Variants in DCDC2 observed in about 807,000 individuals in gnomAD.
DCDC2 encodes the protein doublecortin domain containing 2.
In DCDC2, 40 loss-of-function variants were observed where a neutral mutation model predicts 50.2. The ratio of observed to expected loss-of-function variants is 0.80; its 90% CI spans 0.62 to 1.04. The LOEUF is 1.04. Ranked by LOEUF, DCDC2 falls within the 50% of genes least tolerant of loss-of-function variation. The pLI, the probability that DCDC2 is intolerant of heterozygous loss-of-function variation, is 0.00. For synonymous variants in DCDC2, 234 were observed against 210.6 expected, an observed-to-expected ratio of 1.11 and a Z score of -0.96; for missense variants, 570 against 581.9, an observed-to-expected ratio of 0.98 and a Z score of 0.21.
chr6:24,196,303 C>A (rs777647012), intron 8 of DCDC2, among the ~76,000 whole-genome samples: 10 of 151,916 alleles, frequency 6.6e-5, no homozygotes, highest in Non-Finnish European at 1.5e-4. Flanking sequence ...AGTCCCATTT[C>A]CTCTAATTAA....
At chr6:24,289,998 T>C in intron 5 of DCDC2, among the ~76,000 whole-genome samples, 1 of 86,666 alleles carries the variant, frequency 1.2e-5, no homozygotes, top group Non-Finnish European at 2.2e-5. Context: ...TTTTTTTTTT[T>C]TTTTTTTTTT....
At chr6:24,250,177 A>C (rs992898496) in intron 7 of DCDC2, among the ~76,000 whole-genome samples, 1 of 152,204 alleles carries the variant, frequency 6.6e-6, no homozygotes, top group Admixed American at 6.5e-5. Flanking sequence ...GAGTGGTAGA[A>C]GACAATTGGC....
intron 2 of DCDC2, among the ~76,000 whole-genome samples, chr6:24,347,535 A>T (rs1375964649): frequency 6.6e-6 from 1 of 152,266 alleles, no homozygotes; most frequent in Non-Finnish European, 1.5e-5. Context: ...TAGCATTTAC[A>T]TTGCACTGGG....
At chr6:24,237,965 G>A (rs773515985) in intron 7 of DCDC2, among the ~76,000 whole-genome samples, 6 of 150,424 alleles carry the variant, frequency 4.0e-5, no homozygotes, top group Non-Finnish European at 7.4e-5. Flanking sequence ...ACTACCTATT[G>A]GGTACTATAC....
chr6:24,372,696 C>G, the DCDC2 span, among the ~76,000 whole-genome samples: 4 of 151,800 alleles, frequency 2.6e-5, no homozygotes, highest in East Asian at 7.8e-4. Flanking sequence ...TGTTCTCACT[C>G]ATAGATGGGA....
At chr6:24,323,614 A>T (rs1759808937) in intron 2 of DCDC2, among the ~76,000 whole-genome samples, 1 of 152,196 alleles carries the variant, frequency 6.6e-6, no homozygotes, top group Admixed American at 6.5e-5. Context: ...ATAGACCTTA[A>T]TGCAAATAAA....
intron 7 of DCDC2, among the ~76,000 whole-genome samples, chr6:24,212,484 C>T (rs1271911838): frequency 2.6e-5 from 4 of 152,164 alleles, no homozygotes; most frequent in Non-Finnish European, 5.9e-5. Flanking sequence ...CAAAACACTA[C>T]CACCAACCCC....
At chr6:24,256,083 A>G (rs940911186) in intron 7 of DCDC2, among the ~76,000 whole-genome samples, 7 of 152,230 alleles carry the variant, frequency 4.6e-5, no homozygotes, top group African/African-American at 1.7e-4. Context: ...GTTATGGTCA[A>G]CAAAATAGAA....
upstream of DCDC2, among the ~76,000 whole-genome samples, chr6:24,358,974 T>A (rs868468869): frequency 7.7e-4 from 37 of 47,780 alleles, 1 homozygote; most frequent in African/African-American, 3.5e-3. Context: ...ATTATATATT[T>A]TATACATTAT....
At chr6:24,254,059 C>G (rs1442705169) in intron 7 of DCDC2, among the ~76,000 whole-genome samples, 4 of 151,952 alleles carry the variant, frequency 2.6e-5, no homozygotes, top group African/African-American at 9.7e-5. Context: ...ATTTTTAAAC[C>G]TTTTCGTTAA....
intron 7 of DCDC2, among the ~76,000 whole-genome samples, chr6:24,236,081 GAAAAA>G (rs1207433001): frequency 1.3e-5 from 2 of 149,326 alleles, no homozygotes; most frequent in African/African-American, 4.9e-5. Flanking sequence ...ATAGAATTAG[GAAAAA>G]AAAAATTCTA....
chr6:24,281,464 T>C (rs1455595992), intron 6 of DCDC2, among the ~76,000 whole-genome samples: 1 of 118,460 alleles, frequency 8.4e-6, no homozygotes, highest in Non-Finnish European at 1.6e-5. Flanking sequence ...CATGTGTCAC[T>C]GCACCCAGCT....
chr6:24,226,922 C>A (rs962967002), intron 7 of DCDC2, among the ~76,000 whole-genome samples: 1 of 152,164 alleles, frequency 6.6e-6, no homozygotes, highest in African/African-American at 2.4e-5. Flanking sequence ...CCTGTGACAT[C>A]AGTTCACATA....
chr6:24,310,708 A>G (rs958717213), intron 2 of DCDC2, among the ~76,000 whole-genome samples: 2 of 152,240 alleles, frequency 1.3e-5, no homozygotes, highest in African/African-American at 2.4e-5. Flanking sequence ...CATTAAAACT[A>G]AGATTTGTAA....
At chr6:24,283,054 A>G (rs1763512924) in intron 6 of DCDC2, among the ~76,000 whole-genome samples, 1 of 152,208 alleles carries the variant, frequency 6.6e-6, no homozygotes, top group African/African-American at 2.4e-5. Context: ...CCAAATGGTA[A>G]TAAGGACAAC....
chr6:24,313,684 G>A lies in DCDC2; in HGVS notation c.349-11640C>T, dbSNP rs114768379. On this transcript the variant is annotated intron_variant, in intron 2 of 9. Coordinates refer to ENST00000378454, the MANE Select transcript of DCDC2 (RefSeq NM_016356.5). ...AAGGAAATAAGTCATTTAGCCCCCA[G>A]GATTCCCACTGGAGAATGTGCCAAC... 7.2e-3 allele frequency among the ~76,000 whole-genome samples: 1,089 copies of A among 152,300 alleles called. 11 individuals carry two copies. Among genetic ancestry groups the A allele is most frequent in the African/African-American group, 0.025 (1,026 of 41,560 alleles).
chr6:24,358,936 T>TATATATTATATATA (rs1561788593), upstream of DCDC2, among the ~76,000 whole-genome samples: 6 of 16,986 alleles, frequency 3.5e-4, no homozygotes, highest in Admixed American at 1.3e-3. Flanking sequence ...TATTATATAT[T>TATATATTATATATA]TTATATATTA....
intron 6 of DCDC2, 151 bp downstream of exon 6, chr6:24,288,700 AC>A (rs1283716056): frequency 4.4e-6 from 3 of 681,424 alleles, no homozygotes; most frequent in African/African-American, 1.8e-5. Context: ...CATAAGTGTA[AC>A]ATTAAAGTTC....
At chr6:24,317,521 T>C (rs1759693908) in intron 2 of DCDC2, among the ~76,000 whole-genome samples, 1 of 152,010 alleles carries the variant, frequency 6.6e-6, no homozygotes, top group Admixed American at 6.6e-5. Context: ...AATATAAAAG[T>C]ACAAAATGAA....
Sources: allele counts gnomAD v4.1 joint callset (sites outside exome capture counted in the v4.1 genomes callset), GRCh38; gene constraint gnomAD v4.1.1; transcripts MANE v1.5; gene names NCBI Gene and HGNC (gene_info 2026-07-23, HGNC 2026-07-21).